The following NCR1 variants were observed in gnomAD, a reference collection of about 807,000 sequenced individuals.
NCR1 encodes the protein NK cell-activating receptor.
Under a neutral mutation model 32.5 loss-of-function variants are expected in NCR1, and 30 were observed. The ratio of observed to expected loss-of-function variants is 0.92; its 90% CI spans 0.69 to 1.25. NCR1 has a LOEUF of 1.25. Among genes scored for constraint, NCR1 ranks in the 50% most tolerant of loss-of-function variants. The pLI is 0.00. For synonymous variants in NCR1, 169 were observed against 143.4 expected, an observed-to-expected ratio of 1.18 and a Z score of -1.28; for missense variants, 369 against 380.7, an observed-to-expected ratio of 0.97 and a Z score of 0.26.
At chr19:54,933,879 T>C in the NCR1 span, 3 of 766,050 alleles carry the variant, frequency 3.9e-6, no homozygotes, top group Non-Finnish European at 6.8e-6. Flanking sequence ...GGAGTCATCA[T>C]GGCCACAAAA....
At chr19:54,906,046 G>A, upstream of NCR1, 1 of 994,474 alleles carries the variant, frequency 1.0e-6, no homozygotes. Context: ...GGGGAGTTGT[G>A]AACGTTCTGA....
chr19:54,925,925 G>A, the NCR1 span, among the ~76,000 whole-genome samples: 5 of 151,712 alleles, frequency 3.3e-5, no homozygotes, highest in Admixed American at 2.0e-4. Flanking sequence ...GCGTGAACCC[G>A]GGAGGTGGAG....
At chr19:54,913,139 A>ACTTCCT, downstream of NCR1, 1 of 279,406 alleles carries the variant, frequency 3.6e-6, no homozygotes, top group South Asian at 8.3e-5. Context: ...TGCAACCTCT[A>ACTTCCT]GCTCTCCATC....
chr19:54,906,242 G>T, intron 1 of NCR1, 21 bp downstream of exon 1: 1 of 1,614,200 alleles, frequency 6.2e-7, no homozygotes, highest in Non-Finnish European at 8.5e-7. Flanking sequence ...GCGTGGAAGG[G>T]GAATGGGATC....
the NCR1 span, chr19:54,930,669 A>G: frequency 5.6e-6 from 9 of 1,613,060 alleles, no homozygotes; most frequent in Non-Finnish European, 7.6e-6. Flanking sequence ...GCTGTAACCT[A>G]CAGGATAATC....
intron 3 of NCR1, among the ~76,000 whole-genome samples, chr19:54,908,899 C>T (rs1196594211): frequency 2.0e-5 from 3 of 151,634 alleles, no homozygotes; most frequent in Non-Finnish European, 4.4e-5. Flanking sequence ...GATAGTGCCA[C>T]GGCGCTCCAG....
downstream of NCR1, among the ~76,000 whole-genome samples, chr19:54,913,834 A>G (rs902985428): frequency 6.6e-6 from 1 of 151,414 alleles, no homozygotes; most frequent in Non-Finnish European, 1.5e-5. Context: ...TTGGGAGGCC[A>G]AGGTGGGAGG....
upstream of NCR1, among the ~76,000 whole-genome samples, chr19:54,903,525 T>A (rs1002903026): frequency 2.8e-5 from 4 of 142,148 alleles, 1 homozygote; most frequent in African/African-American, 7.8e-5. Context: ...CATGTGTGTA[T>A]ACATATATAT....
chr19:54,933,743 C>G, the NCR1 span: 1 of 1,613,350 alleles, frequency 6.2e-7, no homozygotes. Flanking sequence ...TTCCAACCTG[C>G]AAAAATATGA....
the NCR1 span, among the ~76,000 whole-genome samples, chr19:54,927,997 G>A: frequency 6.6e-6 from 1 of 152,196 alleles, no homozygotes; most frequent in Non-Finnish European, 1.5e-5. Flanking sequence ...GGAGGCCGAG[G>A]AGGGTAGATC....
At chr19:54,923,823 C>T in the NCR1 span, 1 of 1,614,038 alleles carries the variant, frequency 6.2e-7, no homozygotes, top group South Asian at 1.1e-5. Flanking sequence ...TTTTCTTTCA[C>T]TTCCTCCAAC....
the NCR1 span, among the ~76,000 whole-genome samples, chr19:54,936,636 A>G: frequency 3.6e-4 from 54 of 151,534 alleles, no homozygotes; most frequent in African/African-American, 1.2e-3. Flanking sequence ...AACCTGGGCA[A>G]CATGGTGAAA....
At chr19:54,898,547 G>A in the NCR1 span, among the ~76,000 whole-genome samples, 4 of 152,212 alleles carry the variant, frequency 2.6e-5, no homozygotes, top group Non-Finnish European at 5.9e-5. Flanking sequence ...GGTTAATTAA[G>A]TCTTGTTGTG....
upstream of NCR1, among the ~76,000 whole-genome samples, chr19:54,903,955 G>T (rs998239247): frequency 2.0e-5 from 3 of 151,332 alleles, no homozygotes; most frequent in Non-Finnish European, 4.4e-5. Context: ...GTAAAAACCG[G>T]TCTCTACTAA....
At chr19:54,920,899 A>T (rs561857868), downstream of NCR1, among the ~76,000 whole-genome samples, 25 of 152,182 alleles carry the variant, frequency 1.6e-4, no homozygotes, top group Admixed American at 1.5e-3. Flanking sequence ...TGAGGTCAGG[A>T]GTTTGAGACT....
At chr19:54,910,165 G>T in intron 5 of NCR1, 100 bp downstream of exon 5, 1 of 1,199,272 alleles carries the variant, frequency 8.3e-7, no homozygotes, top group Non-Finnish European at 1.2e-6. Context: ...GGCCAGGCGT[G>T]GTGGCTCACG....
chr19:54,907,044 A>G (rs1467038828), intron 3 of NCR1, among the ~76,000 whole-genome samples: 2 of 151,994 alleles, frequency 1.3e-5, no homozygotes, highest in African/African-American at 4.8e-5. Flanking sequence ...TCTGAGATAG[A>G]TATTTGTATG....
At chr19:54,911,372 AAAAG>A (rs1228119765) in intron 5 of NCR1, among the ~76,000 whole-genome samples, 4 of 143,368 alleles carry the variant, frequency 2.8e-5, no homozygotes, top group African/African-American at 1.0e-4. Context: ...AAGAAAAAGA[AAAAG>A]AAAAAAAAAT....
At chr19:54,918,327 G>A (rs992106633), downstream of NCR1, among the ~76,000 whole-genome samples, 9 of 151,864 alleles carry the variant, frequency 5.9e-5, no homozygotes, top group Non-Finnish European at 1.0e-4. Context: ...GTGCAGTGTC[G>A]TGGCCTCAGC....
Sources: gnomAD v4.1 joint callset for allele counts (sites outside exome capture counted in the v4.1 genomes callset) on GRCh38, gnomAD v4.1.1 for gene constraint, MANE v1.5 for transcripts, NCBI Gene and HGNC (gene_info 2026-07-23, HGNC 2026-07-21) for gene names.